TUBGCP3: variants seen among roughly 807,000 people sequenced by gnomAD.
TUBGCP3 encodes tubulin gamma complex component 3, also known as gamma-tubulin complex component 3.
In TUBGCP3, 50 loss-of-function variants were observed where a neutral mutation model predicts 123.1. The ratio of observed to expected loss-of-function variants is 0.41; its 90% CI spans 0.32 to 0.51. The LOEUF is 0.51. TUBGCP3 is among the 20% of genes least tolerant of loss of function. The pLI is 0.36. For missense variants in TUBGCP3, 882 were observed against 1,127.0 expected (o/e 0.78, Z 3.11); for synonymous variants, 405 against 413.9 (o/e 0.98, Z 0.26).
At chr13:112,559,680 A>G (rs978394083) in intron 3 of TUBGCP3, among the ~76,000 whole-genome samples, 1 of 152,254 alleles carries the variant, frequency 6.6e-6, no homozygotes, top group African/African-American at 2.4e-5. Flanking sequence ...ATTCCTGAAT[A>G]ACAGTATCGT....
chr13:112,552,760 C>T (rs1249058745), intron 8 of TUBGCP3, among the ~76,000 whole-genome samples: 3 of 151,700 alleles, frequency 2.0e-5, no homozygotes, highest in Non-Finnish European at 4.4e-5. Context: ...TCCTCCCCAC[C>T]AGCCACGCTC....
rs141547469 is a variant in TUBGCP3, at chr13:112,497,909, G to A, written c.2448+1136C>T. 5.8e-3 allele frequency among the ~76,000 whole-genome samples: 885 copies of A among 152,226 alleles called. 9 individuals are homozygous for A. The highest frequency in any genetic ancestry group is 0.02 in the African/African-American group (847 of 41,542). On this transcript the variant is annotated intron_variant, in intron 20 of 21. Transcript: ENST00000261965. ...ATCATGTGGTACATGACTGTATCCTGAAAAAGTAAAAGATTAAACAGATTA... is the reference window on the plus strand; with the variant it reads ...ATCATGTGGTACATGACTGTATCCTAAAAAAGTAAAAGATTAAACAGATTA...
At chr13:112,565,226 T>C (rs1880864585) in intron 2 of TUBGCP3, 48 bp from the exon 3 acceptor site, 1 of 1,507,280 alleles carries the variant, frequency 6.6e-7, no homozygotes, top group East Asian at 2.3e-5. Flanking sequence ...AACACCAAAA[T>C]TCATTCTTAT....
At chr13:112,565,995 C>A (rs941338082) in intron 2 of TUBGCP3, among the ~76,000 whole-genome samples, 1 of 151,836 alleles carries the variant, frequency 6.6e-6, no homozygotes. Context: ...AAATGTCATA[C>A]TCACTGTTTC....
chr13:112,581,710 T>A (rs188751587), intron 1 of TUBGCP3, among the ~76,000 whole-genome samples: 2 of 152,216 alleles, frequency 1.3e-5, no homozygotes, highest in Non-Finnish European at 2.9e-5. Context: ...CCTCCCAAAG[T>A]GCTGGGATTA....
chr13:112,545,699 T>C lies in TUBGCP3; in HGVS notation c.1335A>G (p.Glu445=), dbSNP rs768663644. Residue 445 remains glutamate, a splice_region_variant and synonymous_variant, in exon 11 of 22, where the codon GAA becomes GAG. Transcript: ENST00000261965. The surrounding 1 kb of genome is among the most constrained non-coding windows in gnomAD (Gnocchi z 4.1). ...YDGELEDTYH[E]FFVASDPTVK... The stretch of plus-strand genomic sequence containing the variant: ...CTCAGAACCGAACACCGATCCTTAC[T>C]TCGTGGTAAGTGTCCTCAAGCTCCC... 7 of 1,611,320 alleles carry C rather than the reference T, an allele frequency of 4.3e-6. No homozygotes were observed. Among genetic ancestry groups the C allele is most frequent in the Non-Finnish European group, 5.9e-6 (7 of 1,177,558 alleles).
chr13:112,525,765 A>G lies in TUBGCP3; in HGVS notation c.1555+1177T>C, dbSNP rs188397220. 3.3e-4 allele frequency among the ~76,000 whole-genome samples: 50 copies of G among 152,310 alleles called. No individual in the cohort carries two copies. In the South Asian group the frequency reaches 4.8e-3, roughly 15 times the overall value. On this transcript the variant is annotated intron_variant, in intron 13 of 21. Transcript: ENST00000261965. ...TGCAATAAGTCCTGGCTCTTCTCCA[A>G]ACAAAGCCTTTGCATCCCAAAGAAT...
At chr13:112,516,337 G>A (rs1318835678) in intron 17 of TUBGCP3, 103 bp downstream of exon 17, 12 of 1,241,440 alleles carry the variant, frequency 9.7e-6, no homozygotes, top group South Asian at 4.7e-5. Flanking sequence ...AGCTGTCACC[G>A]TGAGTCTACC....
rs1566577412 is a variant in TUBGCP3 at position 112,558,235 on chromosome 13, AG to A, written c.508del (p.Leu170SerfsTer22). The A allele has an allele frequency of 2.5e-6, 4 of 1,612,242 alleles. No individual in the cohort carries two copies. The highest frequency in any genetic ancestry group is 3.4e-6 in the Non-Finnish European group (4 of 1,179,898). On this transcript the variant is annotated frameshift_variant, in exon 5 of 22. Transcript: ENST00000261965. LOFTEE classifies it high-confidence loss of function. ...TTGTGGCGCAGGCGCGGGGCCACTG[AG>A]GGCACACAGGCCAATGCTGCTGATG... ...SGISSIGLCALSGPAPAPQSL... is the reference protein window; with the variant it reads ...SGISSIGLCAXSGPAPAPQSL...
intron 1 of TUBGCP3, among the ~76,000 whole-genome samples, chr13:112,582,583 C>T (rs975101627): frequency 1.3e-5 from 2 of 152,294 alleles, no homozygotes; most frequent in Admixed American, 6.5e-5. Context: ...GCAGGGAGGC[C>T]GTGCCACAGG....
At chr13:112,501,146 A>G (rs1880877664) in intron 19 of TUBGCP3, among the ~76,000 whole-genome samples, 1 of 152,242 alleles carries the variant, frequency 6.6e-6, no homozygotes, top group Non-Finnish European at 1.5e-5. Flanking sequence ...TCCTAACATA[A>G]AACCACCACG....
rs1034305084 is a variant in TUBGCP3 at position 112,588,106 on chromosome 13, C to T, written c.-126G>A. ...TGCTCCTGACAGGCTAAGGCGCGGG[C>T]GCCGCCGGCCACCAGGGCGCCATTT... On this transcript the variant is annotated 5_prime_UTR_variant, in exon 1 of 22. Coordinates refer to ENST00000261965, the MANE Select transcript of TUBGCP3 (RefSeq NM_006322.6). 1 of 801,666 alleles carries T rather than the reference C, an allele frequency of 1.2e-6. No homozygotes were observed. Among genetic ancestry groups the T allele is most frequent in the East Asian group, 3.4e-5 (1 of 29,388 alleles). The allele number at this position is 801,666 out of a possible 1,614,324, so 49.7% of individuals were successfully genotyped here. A position where few individuals can be genotyped will look rare whatever the true frequency, so the allele number is the denominator to read the frequency against.
chr13:112,509,563 G>A (rs10492685), intron 17 of TUBGCP3, among the ~76,000 whole-genome samples: 26,629 of 152,166 alleles, frequency 0.17, 2,482 homozygotes, highest in Middle Eastern at 0.22. Flanking sequence ...TACTACCAGC[G>A]AATACAGTTT....
At chr13:112,493,988 A>T (rs1232238917) in intron 20 of TUBGCP3, among the ~76,000 whole-genome samples, 1 of 150,362 alleles carries the variant, frequency 6.7e-6, no homozygotes, top group Non-Finnish European at 1.5e-5. Context: ...TGTGCCTGAG[A>T]CACTCTAGCT....
intron 11 of TUBGCP3, among the ~76,000 whole-genome samples, chr13:112,535,331 G>T (rs9577782): frequency 0.15 from 22,179 of 152,120 alleles, 1,933 homozygotes; most frequent in Non-Finnish European, 0.2. Flanking sequence ...GGGTCACATG[G>T]TAAATCCATA....
At chr13:112,489,878 TAAC>T in intron 20 of TUBGCP3, 181 bp from the exon 21 acceptor site, 1 of 584,732 alleles carries the variant, frequency 1.7e-6, no homozygotes, top group African/African-American at 1.9e-5. Context: ...TTTTTCCAGT[TAAC>T]AATGTGTGTT....
chr13:112,521,734 C>G, intron 14 of TUBGCP3: 4 of 985,416 alleles, frequency 4.1e-6, no homozygotes, highest in African/African-American at 3.5e-5. Flanking sequence ...AATCTCCAGG[C>G]CCAGGCTGTG....
At chr13:112,540,282 T>C (rs1878408558) in intron 11 of TUBGCP3, among the ~76,000 whole-genome samples, 1 of 139,788 alleles carries the variant, frequency 7.2e-6, no homozygotes, top group Non-Finnish European at 1.6e-5. Context: ...TGTAGTAGCC[T>C]ATGAGCATTC....
chr13:112,575,386 G>C (rs1881730039), intron 1 of TUBGCP3, among the ~76,000 whole-genome samples: 1 of 152,060 alleles, frequency 6.6e-6, no homozygotes, highest in Admixed American at 6.6e-5. Context: ...ATGATAAAAG[G>C]GCAATTCACC....
Sources: gnomAD v4.1 joint callset for allele counts (sites outside exome capture counted in the v4.1 genomes callset) on GRCh38, gnomAD v4.1.1 for gene constraint, Gnocchi (gnomAD v3.1) non-coding constraint, MANE v1.5 for transcripts, NCBI Gene and HGNC (gene_info 2026-07-23, HGNC 2026-07-21) for gene names.